FAM171A1: variants seen among roughly 807,000 people sequenced by gnomAD.
The protein encoded by FAM171A1 is family with sequence similarity 171 member A1.
FAM171A1 carries 23 observed loss-of-function variants against 74.9 expected under a neutral mutation model. That is an observed-to-expected ratio of 0.31 (90% CI 0.22 to 0.44). FAM171A1 has a LOEUF of 0.44. FAM171A1 is among the 20% of genes least tolerant of loss of function. FAM171A1 has a pLI of 1.00. For synonymous variants in FAM171A1, 527 were observed against 505.7 expected, an observed-to-expected ratio of 1.04 and a Z score of -0.57; for missense variants, 1,162 against 1,159.2, an observed-to-expected ratio of 1.00 and a Z score of -0.03.
chr10:15,320,597 G>A (rs1412082398), intron 1 of FAM171A1, among the ~76,000 whole-genome samples: 1 of 152,178 alleles, frequency 6.6e-6, no homozygotes, highest in African/African-American at 2.4e-5. Flanking sequence ...CAGTGTATAA[G>A]TGTTCCTTTT....
chr10:15,362,550 C>A (rs906304619), intron 1 of FAM171A1, among the ~76,000 whole-genome samples: 1 of 152,124 alleles, frequency 6.6e-6, no homozygotes, highest in African/African-American at 2.4e-5. Flanking sequence ...GGGGTGAAAC[C>A]CCATCTCTAC....
chr10:15,365,539 G>T (rs925627209), intron 1 of FAM171A1, among the ~76,000 whole-genome samples: 1 of 152,186 alleles, frequency 6.6e-6, no homozygotes, highest in Non-Finnish European at 1.5e-5. Flanking sequence ...GGGAGGCCTA[G>T]GTGGGAGGAC....
chr10:15,274,900 C>T (rs944283785), intron 3 of FAM171A1, among the ~76,000 whole-genome samples: 5 of 152,256 alleles, frequency 3.3e-5, no homozygotes, highest in African/African-American at 1.2e-4. Flanking sequence ...GGCACATGTA[C>T]ACCATGGAAT....
At chr10:15,312,766 C>T (rs183261933) in intron 1 of FAM171A1, among the ~76,000 whole-genome samples, 1 of 131,782 alleles carries the variant, frequency 7.6e-6, no homozygotes, top group East Asian at 2.5e-4. Context: ...GGTGCAATCT[C>T]GGCTCACTGC....
chr10:15,263,708 A>G (rs758277542), intron 3 of FAM171A1, among the ~76,000 whole-genome samples: 2 of 150,114 alleles, frequency 1.3e-5, no homozygotes, highest in Non-Finnish European at 3.0e-5. Flanking sequence ...TCATCTATCC[A>G]TCTATCCTAT....
intron 1 of FAM171A1, among the ~76,000 whole-genome samples, chr10:15,312,737 G>T (rs1319655579): frequency 1.1e-5 from 1 of 91,930 alleles, no homozygotes. Flanking sequence ...TGCTCTTGTT[G>T]CCCAGGCTGG....
At chr10:15,254,539 C>A (rs1382076259) in intron 4 of FAM171A1, among the ~76,000 whole-genome samples, 182 bp downstream of exon 4, 2 of 152,230 alleles carry the variant, frequency 1.3e-5, no homozygotes, top group Non-Finnish European at 2.9e-5. Flanking sequence ...ACATGTAATT[C>A]TGCAGGGCTC....
At chr10:15,262,092 G>A (rs1257674344) in intron 3 of FAM171A1, among the ~76,000 whole-genome samples, 1 of 152,194 alleles carries the variant, frequency 6.6e-6, no homozygotes, top group Non-Finnish European at 1.5e-5. Flanking sequence ...TCCAGTCCAT[G>A]CAACAGAGTA....
rs756573118 is a variant in FAM171A1, at chr10:15,214,376, C to T, written c.1212G>A (p.Pro404=). 22 of 1,613,090 alleles carry T rather than the reference C, an allele frequency of 1.4e-5. No individual in the cohort carries two copies. Among genetic ancestry groups the T allele is most frequent in the Admixed American group, 8.3e-5 (5 of 59,944 alleles). ...MSGVHLEMMS[P]GGEGDLHTPM... is the part of the protein sequence containing the mutation. ...GGGTGTGCAGGTCCCCTTCGCCGCCCGGAGACATCATTTCCAAATGGACTC... is the reference window on the plus strand; with the variant it reads ...GGGTGTGCAGGTCCCCTTCGCCGCCTGGAGACATCATTTCCAAATGGACTC... Residue 404 remains proline (P), a synonymous_variant, in exon 8 of 8, where the codon CCG becomes CCA. Transcript: ENST00000378116.
intron 1 of FAM171A1, among the ~76,000 whole-genome samples, chr10:15,341,873 G>A (rs1564285196): frequency 6.6e-6 from 1 of 152,190 alleles, no homozygotes; most frequent in African/African-American, 2.4e-5. Flanking sequence ...TGCTCATGAA[G>A]GTCGACTTCC....
chr10:15,234,486 G>A (rs1834254079), intron 5 of FAM171A1, among the ~76,000 whole-genome samples: 1 of 152,148 alleles, frequency 6.6e-6, no homozygotes, highest in South Asian at 2.1e-4. Flanking sequence ...GCTACAGCAA[G>A]AGGCTCGGGA....
chr10:15,247,098 A>G (rs1232250396), intron 5 of FAM171A1, among the ~76,000 whole-genome samples: 2 of 152,252 alleles, frequency 1.3e-5, no homozygotes, highest in Admixed American at 6.5e-5. Flanking sequence ...TTTCTACAGC[A>G]TTGGTTAGAA....
At chr10:15,347,157 C>T (rs1045129670) in intron 1 of FAM171A1, among the ~76,000 whole-genome samples, 7 of 152,140 alleles carry the variant, frequency 4.6e-5, no homozygotes, top group African/African-American at 1.7e-4. Context: ...CCCCAAAGAG[C>T]ACTCATAAAA....
chr10:15,316,755 C>T lies in FAM171A1; in HGVS notation c.98-32650G>A, dbSNP rs1423039056. Among the ~76,000 whole-genome samples, 5 of 152,168 alleles carry T rather than the reference C, an allele frequency of 3.3e-5. No homozygotes were observed. The East Asian group carries it at 5.8e-4, about 18-fold the overall frequency. ...TAACTATGGCAAAACAGGCATTCAA[C>T]GTTCACTCCCGGTAGGAATACAAGT... On this transcript the variant is annotated intron_variant, in intron 1 of 7. Transcript: ENST00000378116.
chr10:15,273,926 T>C (rs1432651637), intron 3 of FAM171A1, among the ~76,000 whole-genome samples: 1 of 152,164 alleles, frequency 6.6e-6, no homozygotes, highest in Non-Finnish European at 1.5e-5. Context: ...ACAGCGAATA[T>C]CACAGTGAAC....
chr10:15,229,897 T>A (rs931378671), intron 5 of FAM171A1, among the ~76,000 whole-genome samples: 8 of 75,774 alleles, frequency 1.1e-4, no homozygotes, highest in African/African-American at 2.2e-4. Flanking sequence ...ACCATCACCA[T>A]CATCACCATC....
chr10:15,368,743 A>G (rs755546457), intron 1 of FAM171A1, among the ~76,000 whole-genome samples: 2 of 152,216 alleles, frequency 1.3e-5, no homozygotes, highest in Non-Finnish European at 2.9e-5. Context: ...ATTTGTCTTC[A>G]TCGTGTACAT....
At chr10:15,348,915 C>G (rs922742394) in intron 1 of FAM171A1, among the ~76,000 whole-genome samples, 1 of 152,188 alleles carries the variant, frequency 6.6e-6, no homozygotes, top group Non-Finnish European at 1.5e-5. Flanking sequence ...TTCTCTAAAG[C>G]AACGGAGCTG....
intron 1 of FAM171A1, among the ~76,000 whole-genome samples, chr10:15,314,648 T>G (rs561754192): frequency 9.2e-5 from 14 of 152,240 alleles, no homozygotes; most frequent in African/African-American, 3.4e-4. Flanking sequence ...GTTTTCTGCA[T>G]CCTATTATTT....
Sources: allele counts gnomAD v4.1 joint callset (sites outside exome capture counted in the v4.1 genomes callset), GRCh38; gene constraint gnomAD v4.1.1; transcripts MANE v1.5; gene names NCBI Gene and HGNC (gene_info 2026-07-23, HGNC 2026-07-21).